The following NUBPL variants were observed in gnomAD, a reference collection of about 807,000 sequenced individuals.
NUBPL encodes the protein NUBP iron-sulfur cluster assembly factor, mitochondrial.
In NUBPL, 31 loss-of-function variants were observed where a neutral mutation model predicts 45.7. The observed-to-expected ratio is 0.68, with a 90% confidence interval of 0.51 to 0.92. The LOEUF is 0.92. Ranked by LOEUF, NUBPL falls within the 40% of genes least tolerant of loss-of-function variation. The pLI is 0.00. For synonymous variants in NUBPL, 144 were observed against 140.9 expected (o/e 1.02, Z -0.15); for missense variants, 401 against 398.7 (o/e 1.01, Z -0.05).
intron 3 of NUBPL, among the ~76,000 whole-genome samples, chr14:31,590,239 C>A (rs1413569408): frequency 6.6e-6 from 1 of 152,138 alleles, no homozygotes; most frequent in African/African-American, 2.4e-5. Flanking sequence ...CTCCCAGGTT[C>A]AGGCAGAACA....
At chr14:31,803,629 C>T (rs770421868) in intron 7 of NUBPL, among the ~76,000 whole-genome samples, 1 of 152,036 alleles carries the variant, frequency 6.6e-6, no homozygotes, top group Non-Finnish European at 1.5e-5. Context: ...ACCGTCTTTC[C>T]ATGCAAATGT....
chr14:31,753,837 T>A (rs927530588), intron 6 of NUBPL, among the ~76,000 whole-genome samples: 1 of 152,164 alleles, frequency 6.6e-6, no homozygotes, highest in Non-Finnish European at 1.5e-5. Flanking sequence ...TTAGACTATC[T>A]ACTTGAAGTA....
At chr14:31,731,981 T>A (rs1286632079) in intron 6 of NUBPL, among the ~76,000 whole-genome samples, 1 of 151,682 alleles carries the variant, frequency 6.6e-6, no homozygotes, top group African/African-American at 2.4e-5. Context: ...GGCGGGCGGA[T>A]CACGAGGTCA....
At chr14:31,823,652 T>C (rs1210492995) in intron 7 of NUBPL, among the ~76,000 whole-genome samples, 1 of 152,078 alleles carries the variant, frequency 6.6e-6, no homozygotes. Context: ...ATCATAGAGA[T>C]AGCTGAGTCC....
chr14:31,585,836 G>C (rs2033982528), intron 3 of NUBPL, among the ~76,000 whole-genome samples: 1 of 152,146 alleles, frequency 6.6e-6, no homozygotes, highest in Non-Finnish European at 1.5e-5. Flanking sequence ...AAGTTTACTG[G>C]CTGACATAGA....
chr14:31,846,391 G>A, intron 8 of NUBPL, 80 bp from the exon 9 acceptor site: 1 of 1,131,282 alleles, frequency 8.8e-7, no homozygotes, highest in Non-Finnish European at 1.3e-6. Flanking sequence ...AACTCAGTAG[G>A]CACTCTGTAA....
At chr14:31,668,201 G>A (rs1480913528) in intron 4 of NUBPL, among the ~76,000 whole-genome samples, 1 of 152,220 alleles carries the variant, frequency 6.6e-6, no homozygotes, top group Non-Finnish European at 1.5e-5. Flanking sequence ...GGAGATGGGG[G>A]TTTTATCTTT....
intron 7 of NUBPL, among the ~76,000 whole-genome samples, chr14:31,821,763 A>G (rs2040021848): frequency 6.6e-6 from 1 of 152,268 alleles, no homozygotes; most frequent in Non-Finnish European, 1.5e-5. Context: ...TGTTCACAAT[A>G]GCCAAGATTT....
At chr14:31,644,590 AT>A (rs1320550728) in intron 4 of NUBPL, among the ~76,000 whole-genome samples, 1 of 152,060 alleles carries the variant, frequency 6.6e-6, no homozygotes, top group East Asian at 1.9e-4. Context: ...CTTCTGGATA[AT>A]GTTTTATGTG....
chr14:31,708,316 T>C (rs928621989), intron 6 of NUBPL, among the ~76,000 whole-genome samples: 1 of 152,140 alleles, frequency 6.6e-6, no homozygotes, highest in Non-Finnish European at 1.5e-5. Context: ...TAAGGAAAAG[T>C]GGTGGGGTCT....
chr14:31,564,676 T>C (rs1052604028), intron 2 of NUBPL, among the ~76,000 whole-genome samples: 1 of 152,240 alleles, frequency 6.6e-6, no homozygotes, highest in Admixed American at 6.5e-5. Flanking sequence ...TTGAAAATAA[T>C]TGAATTATAT....
intron 7 of NUBPL, among the ~76,000 whole-genome samples, chr14:31,822,021 T>C (rs1471259446): frequency 6.6e-6 from 1 of 151,996 alleles, no homozygotes; most frequent in Non-Finnish European, 1.5e-5. Flanking sequence ...TAGAGGATAG[T>C]TATTCGAGGT....
At chr14:31,757,454 A>G (rs1205129663) in intron 6 of NUBPL, among the ~76,000 whole-genome samples, 1 of 152,054 alleles carries the variant, frequency 6.6e-6, no homozygotes, top group African/African-American at 2.4e-5. Context: ...TGAGGAATTT[A>G]TCCATTTCTT....
intron 7 of NUBPL, among the ~76,000 whole-genome samples, chr14:31,789,787 C>T (rs1416396522): frequency 1.3e-5 from 2 of 151,960 alleles, no homozygotes; most frequent in Non-Finnish European, 2.9e-5. Context: ...GCTGTTTTAA[C>T]ATATTTGTAA....
intron 10 of NUBPL, among the ~76,000 whole-genome samples, chr14:31,856,888 T>G (rs1193940986): frequency 1.3e-5 from 2 of 152,186 alleles, no homozygotes; most frequent in Non-Finnish European, 2.9e-5. Context: ...TCTGCAGCTT[T>G]TTCAGGCACA....
chr14:31,683,016 T>A (rs1390467577), intron 6 of NUBPL, among the ~76,000 whole-genome samples: 1 of 56,236 alleles, frequency 1.8e-5, no homozygotes. Context: ...GGTGCTAGGT[T>A]CCTTTTTTTT....
intron 6 of NUBPL, among the ~76,000 whole-genome samples, chr14:31,757,537 C>T (rs567878111): frequency 3.9e-5 from 6 of 152,168 alleles, no homozygotes; most frequent in South Asian, 4.2e-4. Flanking sequence ...TCTGTGGGAT[C>T]GGTCTCTTTT....
intron 4 of NUBPL, among the ~76,000 whole-genome samples, chr14:31,622,939 T>G (rs772598857): frequency 3.5e-4 from 54 of 152,294 alleles, no homozygotes; most frequent in Middle Eastern, 3.4e-3. Flanking sequence ...CCCAGAATGG[T>G]AGATCCACCA....
chr14:31,625,206 G>T (rs1401061879), intron 4 of NUBPL, among the ~76,000 whole-genome samples: 1 of 152,144 alleles, frequency 6.6e-6, no homozygotes, highest in Non-Finnish European at 1.5e-5. Context: ...AGTTTTGGGA[G>T]GAAGTGGTTA....
Sources: gnomAD v4.1 joint callset for allele counts (sites outside exome capture counted in the v4.1 genomes callset) on GRCh38, gnomAD v4.1.1 for gene constraint, MANE v1.5 for transcripts, NCBI Gene and HGNC (gene_info 2026-07-23, HGNC 2026-07-21) for gene names.